MED12L: variants seen among roughly 807,000 people sequenced by gnomAD.
The protein encoded by MED12L is mediator of RNA polymerase II transcription subunit 12-like protein.
In MED12L, 60 loss-of-function variants were observed where a neutral mutation model predicts 281.3. The observed-to-expected ratio is 0.21, with a 90% CI of 0.17 to 0.26. MED12L has a LOEUF of 0.26. Ranked by LOEUF, MED12L falls within the 10% of genes least tolerant of loss-of-function variation. MED12L has a pLI of 1.00. For synonymous variants in MED12L, 974 were observed against 987.2 expected, an observed-to-expected ratio of 0.99 and a Z score of 0.25; for missense variants, 2,146 against 2,680.9, an observed-to-expected ratio of 0.80 and a Z score of 4.41.
At position 151,399,921 on chromosome 3, in the gene MED12L, G is replaced by T. The variant is rs1715453752; in HGVS notation, c.5820+5054G>T. ...CGCTCATTGCAACCTCTGCTTCCCGGGTTCAAGCGATTCTCCTGCCTCAGC... is the reference window on the plus strand; with the variant it reads ...CGCTCATTGCAACCTCTGCTTCCCGTGTTCAAGCGATTCTCCTGCCTCAGC... On this transcript the variant is annotated intron_variant, in intron 39 of 44. Coordinates refer to ENST00000687756, the MANE Select transcript of MED12L (RefSeq NM_001393769.1). Among the ~76,000 whole-genome samples the T allele has an allele frequency of 2.0e-5, 3 of 152,006 alleles. No homozygotes were observed. The South Asian group carries it at 6.2e-4, about 32-fold the overall frequency.
At chr3:151,191,349 T>C (rs761002568) in intron 14 of MED12L, among the ~76,000 whole-genome samples, 40 of 152,374 alleles carry the variant, frequency 2.6e-4, no homozygotes, top group Non-Finnish European at 4.6e-4. Context: ...CACTCTTTTA[T>C]TCATAATGGG....
chr3:151,165,334 T>G (rs1720571731), intron 9 of MED12L, 86 bp from the exon 10 acceptor site: 4 of 1,005,486 alleles, frequency 4.0e-6, no homozygotes, highest in Non-Finnish European at 6.2e-6. Context: ...TATAGGATAC[T>G]TTACTCACGT....
intron 26 of MED12L, 132 bp downstream of exon 26, chr3:151,369,681 A>G (rs1755942416): frequency 1.7e-6 from 1 of 577,836 alleles, no homozygotes. Context: ...TCCTGGAAAA[A>G]TTAGTGGTTT....
At chr3:151,182,740 G>A (rs778457470) in intron 11 of MED12L, among the ~76,000 whole-genome samples, 2 of 152,152 alleles carry the variant, frequency 1.3e-5, no homozygotes, top group African/African-American at 2.4e-5. Flanking sequence ...AAGTTCACAG[G>A]ACAAGAAATG....
At chr3:151,330,177 T>A (rs986653613) in intron 16 of MED12L, among the ~76,000 whole-genome samples, 1 of 152,188 alleles carries the variant, frequency 6.6e-6, no homozygotes, top group Non-Finnish European at 1.5e-5. Context: ...ACACACTGTG[T>A]TATTAAGAAT....
chr3:151,216,221 C>T (rs75661293), intron 16 of MED12L, among the ~76,000 whole-genome samples: 1,906 of 152,248 alleles, frequency 0.013, 33 homozygotes, highest in African/African-American at 0.038. Context: ...AATATGCACT[C>T]TGGGAATACA....
intron 4 of MED12L, among the ~76,000 whole-genome samples, chr3:151,125,882 C>T (rs970594268): frequency 2.0e-5 from 3 of 152,082 alleles, no homozygotes; most frequent in Admixed American, 1.3e-4. Flanking sequence ...AGCCTTCTAG[C>T]GTTGGCCTAT....
intron 4 of MED12L, among the ~76,000 whole-genome samples, chr3:151,126,685 A>G (rs1560073153): frequency 6.6e-6 from 1 of 152,236 alleles, no homozygotes; most frequent in Non-Finnish European, 1.5e-5. Flanking sequence ...CTTGGTATTT[A>G]TAGTAGTGAT....
intron 16 of MED12L, among the ~76,000 whole-genome samples, chr3:151,235,013 G>A (rs757307893): frequency 2.0e-5 from 3 of 152,200 alleles, no homozygotes; most frequent in African/African-American, 4.8e-5. Flanking sequence ...AAGCTCAGGC[G>A]TGTTTTTTTG....
chr3:151,194,405 G>GGAA (rs750137061), intron 16 of MED12L, among the ~76,000 whole-genome samples: 2 of 152,180 alleles, frequency 1.3e-5, no homozygotes, highest in African/African-American at 2.4e-5. Context: ...TTGAGGCATA[G>GGAA]GAAAGACAGG....
chr3:151,408,783 A>T (rs1716626709), intron 39 of MED12L, among the ~76,000 whole-genome samples: 1 of 152,242 alleles, frequency 6.6e-6, no homozygotes, highest in Non-Finnish European at 1.5e-5. Context: ...ATATCTGGCT[A>T]AATAGGCAAT....
At chr3:151,300,605 G>A (rs1577272645) in intron 16 of MED12L, among the ~76,000 whole-genome samples, 1 of 152,304 alleles carries the variant, frequency 6.6e-6, no homozygotes, top group Admixed American at 6.5e-5. Flanking sequence ...GGAAAGTGCA[G>A]CTAAAGTAAA....
intron 2 of MED12L, among the ~76,000 whole-genome samples, chr3:151,087,998 T>TA (rs1049048721): frequency 3.3e-5 from 5 of 152,164 alleles, no homozygotes; most frequent in African/African-American, 1.2e-4. Flanking sequence ...TTTCAAAACT[T>TA]ACCTTTCTGA....
At chr3:151,370,371 G>A (rs1756021201) in intron 26 of MED12L, among the ~76,000 whole-genome samples, 1 of 152,152 alleles carries the variant, frequency 6.6e-6, no homozygotes, top group Non-Finnish European at 1.5e-5. Flanking sequence ...AATTGCTTTA[G>A]ATGAGTCCTA....
At chr3:151,138,741 A>G (rs1716500475) in intron 5 of MED12L, among the ~76,000 whole-genome samples, 1 of 152,212 alleles carries the variant, frequency 6.6e-6, no homozygotes, top group African/African-American at 2.4e-5. Flanking sequence ...CATCAAGGGT[A>G]CATGCTATCA....
Position 151,158,783 on chromosome 3 carries a change from T to A in MED12L, c.821T>A (p.Leu274Gln), listed in dbSNP as rs1719616168. The change falls in exon 7 of 45, where the codon CTA becomes CAA. Residue 274 changes from leucine to glutamine, a missense_variant. Leu to Gln is a moderately radical substitution (Grantham distance 113). Coordinates refer to ENST00000687756, the MANE Select transcript of MED12L (RefSeq NM_001393769.1). The part of the protein sequence containing the change: ...PMDDDLLKLL[L>Q]PLMLQYSDEF... ...GATGATGATCTTCTTAAACTCTTGC[T>A]ACCACTAATGCTGCAGGTATAGTAC... 6.2e-7 allele frequency: 1 copy of A among 1,610,206 alleles called. No individual in the cohort carries two copies. Among genetic ancestry groups the A allele is most frequent in the Non-Finnish European group, 8.5e-7 (1 of 1,176,820 alleles).
chr3:151,274,298 A>G (rs867652988), intron 16 of MED12L, among the ~76,000 whole-genome samples: 2 of 152,232 alleles, frequency 1.3e-5, no homozygotes, highest in African/African-American at 4.8e-5. Flanking sequence ...GGTACCAGTT[A>G]TAAGGACAGC....
intron 43 of MED12L, among the ~76,000 whole-genome samples, chr3:151,428,433 A>G (rs2108468597): frequency 1.3e-5 from 2 of 152,374 alleles, no homozygotes; most frequent in Middle Eastern, 6.8e-3. Flanking sequence ...GGAAAATAGT[A>G]ACATTGGTGG....
At position 151,376,175 on chromosome 3, in the gene MED12L, G is replaced by T. The variant is rs1243642962; in HGVS notation, c.4014G>T (p.Gly1338=). The T allele has an allele frequency of 6.2e-7, 1 of 1,601,696 alleles. No homozygotes were observed. The highest frequency in any genetic ancestry group is 2.3e-5 in the East Asian group (1 of 44,344). ...ATGGCATTAAAGAATGTACCGAGGG[G>T]GACAATCTGCAAAGACAGCACATTA... The part of the protein sequence containing the change: ...YPHGIKECTE[G]DNLQRQHIKR... The change falls in exon 28 of 45, where the codon GGG becomes GGT. Residue 1338 remains glycine, a synonymous_variant. Coordinates refer to ENST00000687756, the MANE Select transcript of MED12L (RefSeq NM_001393769.1).
Sources: allele counts gnomAD v4.1 joint callset (sites outside exome capture counted in the v4.1 genomes callset), GRCh38; gene constraint gnomAD v4.1.1; transcripts MANE v1.5; gene names NCBI Gene and HGNC (gene_info 2026-07-23, HGNC 2026-07-21).